Variants in FILIP1 observed in about 807,000 individuals in gnomAD.
FILIP1 encodes filamin-A-interacting protein 1.
A neutral mutation model predicts 102.1 loss-of-function variants in FILIP1; 61 were observed. The ratio of observed to expected loss-of-function variants is 0.60; its 90% CI spans 0.49 to 0.74. The LOEUF (loss-of-function observed/expected upper bound fraction) is 0.74, where lower values mean the gene tolerates loss of function less well. Ranked by LOEUF, FILIP1 falls within the 30% of genes least tolerant of loss-of-function variation. The pLI, the probability that FILIP1 is intolerant of heterozygous loss-of-function variation, is 0.00. For missense variants in FILIP1, 1,314 were observed against 1,441.2 expected (o/e 0.91, Z 1.43); for synonymous variants, 491 against 526.9 (o/e 0.93, Z 0.93).
chr6:75,415,102 T>C (rs1399156547), intron 1 of FILIP1, 124 bp from the exon 2 acceptor site: 2 of 921,934 alleles, frequency 2.2e-6, no homozygotes, highest in Non-Finnish European at 3.3e-6. Context: ...CAAATTAACA[T>C]GTCATTAAAA....
At chr6:75,395,037 T>C (rs779889128) in intron 2 of FILIP1, among the ~76,000 whole-genome samples, 2 of 152,084 alleles carry the variant, frequency 1.3e-5, no homozygotes, top group Non-Finnish European at 2.9e-5. Flanking sequence ...TACCCAAATA[T>C]ACACTCTGAC....
intron 1 of FILIP1, among the ~76,000 whole-genome samples, chr6:75,467,106 T>A (rs1351841190): frequency 1.3e-5 from 2 of 152,254 alleles, no homozygotes; most frequent in South Asian, 2.1e-4. Flanking sequence ...TTTTATATCA[T>A]CTTGACCAAT....
intron 1 of FILIP1, among the ~76,000 whole-genome samples, chr6:75,453,693 T>C (rs568519098): frequency 4.6e-5 from 7 of 152,244 alleles, no homozygotes; most frequent in African/African-American, 1.7e-4. Flanking sequence ...GCACCTCTAG[T>C]CCTAGCTACT....
intron 2 of FILIP1, among the ~76,000 whole-genome samples, chr6:75,410,068 A>G (rs959361524): frequency 2.6e-5 from 4 of 152,186 alleles, no homozygotes; most frequent in African/African-American, 9.7e-5. Flanking sequence ...CCACAGTATC[A>G]GTGAGTTGAT....
intron 2 of FILIP1, among the ~76,000 whole-genome samples, chr6:75,394,521 T>G (rs892232370): frequency 6.6e-6 from 1 of 152,096 alleles, no homozygotes; most frequent in African/African-American, 2.4e-5. Flanking sequence ...GAAAAAATAT[T>G]TGATTCACAG....
chr6:75,483,822 C>T (rs1779712692), intron 1 of FILIP1, among the ~76,000 whole-genome samples: 1 of 152,162 alleles, frequency 6.6e-6, no homozygotes, highest in Non-Finnish European at 1.5e-5. Flanking sequence ...AGCTTACACG[C>T]ACAGGCTGGG....
intron 2 of FILIP1, among the ~76,000 whole-genome samples, chr6:75,406,955 G>T (rs1038105099): frequency 6.6e-6 from 1 of 151,758 alleles, no homozygotes; most frequent in Non-Finnish European, 1.5e-5. Flanking sequence ...ACCGCACCTG[G>T]CATCAGCAAT....
Position 75,441,862 on chromosome 6 carries a change from G to C in FILIP1, c.-6-26884C>G, listed in dbSNP as rs528581449. 2.2e-3 allele frequency among the ~76,000 whole-genome samples: 328 copies of C among 148,452 alleles called. 3 individuals carry two copies. The highest frequency in any genetic ancestry group is 7.8e-3 in the African/African-American group (311 of 39,870). ...TGGCCCCCCCACCTCCCTCCCGGACGGGGCAGCTGGCCGGGCGGGGGGTAG... is the reference window on the plus strand; with the variant it reads ...TGGCCCCCCCACCTCCCTCCCGGACCGGGCAGCTGGCCGGGCGGGGGGTAG... On this transcript the variant is annotated intron_variant, in intron 1 of 5. Coordinates refer to ENST00000237172, the MANE Select transcript of FILIP1 (RefSeq NM_015687.5).
At chr6:75,330,753 T>G (rs1182302231) in intron 4 of FILIP1, among the ~76,000 whole-genome samples, 3 of 152,202 alleles carry the variant, frequency 2.0e-5, no homozygotes, top group Non-Finnish European at 4.4e-5. Context: ...CTCAGGCAAA[T>G]TATCATAAAT....
chr6:75,366,723 G>C (rs898853671), intron 2 of FILIP1, among the ~76,000 whole-genome samples: 1 of 152,128 alleles, frequency 6.6e-6, no homozygotes, highest in Non-Finnish European at 1.5e-5. Flanking sequence ...TGCTGCAGGG[G>C]TAGAAAAGGA....
intron 2 of FILIP1, among the ~76,000 whole-genome samples, chr6:75,363,784 A>G (rs1775242003): frequency 6.6e-6 from 1 of 152,144 alleles, no homozygotes; most frequent in African/African-American, 2.4e-5. Context: ...ACTTGGAGCT[A>G]TTTTTCCAGT....
At chr6:75,370,797 G>A (rs565455270) in intron 2 of FILIP1, among the ~76,000 whole-genome samples, 21 of 151,786 alleles carry the variant, frequency 1.4e-4, no homozygotes, top group South Asian at 1.2e-3. Context: ...GGCTGGTCTC[G>A]AACTCCTGAC....
chr6:75,312,616 C>A lies in FILIP1; in HGVS notation c.3216G>T (p.Gly1072=), dbSNP rs1773243510. ...TCCCAGGGGACCGTTTAAACTGAGA[C>A]CCTAAGTGAATGTGAATTTTATTGT... The part of the protein sequence containing the change: ...TEDNKIHIHL[G]SQFKRSPGTS... The change falls in exon 5 of 6, where the codon GGG becomes GGT. Residue 1072 remains glycine, a synonymous_variant. Coordinates refer to ENST00000237172, the MANE Select transcript of FILIP1 (RefSeq NM_015687.5). 6.2e-7 allele frequency: 1 copy of A among 1,614,120 alleles called. No homozygotes were observed. Among genetic ancestry groups the A allele is most frequent in the South Asian group, 1.1e-5 (1 of 91,076 alleles).
chr6:75,413,042 A>C (rs1207564934), intron 2 of FILIP1, among the ~76,000 whole-genome samples: 1 of 152,174 alleles, frequency 6.6e-6, no homozygotes, highest in Non-Finnish European at 1.5e-5. Context: ...GTGTGAGTTT[A>C]TATTTTGCAT....
intron 4 of FILIP1, among the ~76,000 whole-genome samples, chr6:75,324,813 G>A (rs1339077259): frequency 6.6e-6 from 1 of 152,128 alleles, no homozygotes; most frequent in East Asian, 1.9e-4. Context: ...TCTTCAACAA[G>A]GCGAACAAAA....
intron 1 of FILIP1, among the ~76,000 whole-genome samples, chr6:75,457,546 T>C (rs1038648530): frequency 5.9e-5 from 9 of 151,870 alleles, no homozygotes; most frequent in Non-Finnish European, 1.0e-4. Flanking sequence ...TCCACAAAGT[T>C]AGAAATTCTC....
At chr6:75,435,267 T>C (rs967602729) in intron 1 of FILIP1, among the ~76,000 whole-genome samples, 11 of 152,232 alleles carry the variant, frequency 7.2e-5, no homozygotes, top group Non-Finnish European at 7.3e-5. Context: ...ATTCTGGCTG[T>C]TGATTTTTTT....
intron 4 of FILIP1, among the ~76,000 whole-genome samples, chr6:75,345,055 T>C (rs1199176315): frequency 1.3e-5 from 2 of 152,226 alleles, no homozygotes; most frequent in African/African-American, 4.8e-5. Context: ...AAATGTCAAA[T>C]ACTGTCCTCC....
intron 1 of FILIP1, among the ~76,000 whole-genome samples, chr6:75,443,665 C>T (rs1321249877): frequency 6.6e-6 from 1 of 152,166 alleles, no homozygotes; most frequent in Non-Finnish European, 1.5e-5. Context: ...TTCCTCATTT[C>T]TCTTAAACAA....
Sources: gnomAD v4.1 joint callset for allele counts (sites outside exome capture counted in the v4.1 genomes callset) on GRCh38, gnomAD v4.1.1 for gene constraint, MANE v1.5 for transcripts, NCBI Gene and HGNC (gene_info 2026-07-23, HGNC 2026-07-21) for gene names.